Variants in NCAM1 observed in about 807,000 individuals in gnomAD.
NCAM1 encodes the protein neural cell adhesion molecule 1, also known as antigen recognized by monoclonal antibody 5.1H11.
A neutral mutation model predicts 109.8 loss-of-function variants in NCAM1; 14 were observed. That is an observed-to-expected ratio of 0.13 (90% CI 0.08 to 0.20). NCAM1 has a LOEUF of 0.20. NCAM1 is among the 10% of genes least tolerant of loss of function. The pLI, the probability that NCAM1 is intolerant of heterozygous loss-of-function variation, is 1.00. For synonymous variants in NCAM1, 418 were observed against 442.9 expected (o/e 0.94, Z 0.70); for missense variants, 774 against 1,109.9 (o/e 0.70, Z 4.30).
At chr11:113,220,600 C>CTTTTTTT (rs1336984958) in intron 8 of NCAM1, among the ~76,000 whole-genome samples, 12 of 102,364 alleles carry the variant, frequency 1.2e-4, no homozygotes, top group African/African-American at 4.0e-4. Flanking sequence ...CTCTCTCTCT[C>CTTTTTTT]TCTTTTTTTT....
chr11:113,055,951 C>A (rs1953682281), intron 1 of NCAM1, among the ~76,000 whole-genome samples: 1 of 126,382 alleles, frequency 7.9e-6, no homozygotes, highest in Non-Finnish European at 1.6e-5. Context: ...AAATGTCCAT[C>A]AGTGGATGAA....
intron 1 of NCAM1, among the ~76,000 whole-genome samples, chr11:113,033,564 A>G (rs1254822769): frequency 1.3e-5 from 2 of 152,252 alleles, no homozygotes; most frequent in Admixed American, 1.3e-4. Context: ...TGCAAAGAGA[A>G]TAGTGGCTAT....
intron 1 of NCAM1, among the ~76,000 whole-genome samples, chr11:113,058,603 T>G (rs1290190861): frequency 1.3e-5 from 2 of 152,218 alleles, no homozygotes; most frequent in Non-Finnish European, 2.9e-5. Context: ...ATTTGCTACT[T>G]TCTTCAATTT....
chr11:112,980,327 C>A (rs1321640787), intron 1 of NCAM1, among the ~76,000 whole-genome samples: 1 of 151,796 alleles, frequency 6.6e-6, no homozygotes, highest in Non-Finnish European at 1.5e-5. Context: ...CAGCTCTGCC[C>A]TTCCAAGAGA....
At chr11:113,093,404 G>A (rs1384204513) in intron 1 of NCAM1, among the ~76,000 whole-genome samples, 1 of 152,152 alleles carries the variant, frequency 6.6e-6, no homozygotes, top group Admixed American at 6.5e-5. Flanking sequence ...CTGTTGCATT[G>A]CACCAATTGG....
At position 113,022,717 on chromosome 11, in the gene NCAM1, C is replaced by T. The variant is rs190693287; in HGVS notation, c.52+61053C>T. 5.5e-4 allele frequency among the ~76,000 whole-genome samples: 84 copies of T among 152,056 alleles called. 1 individual carries two copies. Among genetic ancestry groups the T allele is most frequent in the East Asian group, 2.7e-3 (14 of 5,180 alleles). ...AAAGAAATCCAAAGGCAGGCAGGTA[C>T]GTAGGTAGGTAGGTAGGTAGTCCAG... is the stretch of plus-strand genomic sequence containing the variant. On this transcript the variant is annotated intron_variant, in intron 1 of 19. Coordinates refer to ENST00000316851, the MANE Select transcript of NCAM1 (RefSeq NM_181351.5).
In NCAM1 at chr11:113,269,900, A is replaced by C. The variant is rs1387619383; in HGVS notation, c.2132-288A>C. ...GCCTCATTATCCGGTGTTCTCAGAC[A>C]GGCGGGGCTCAGTCTGCTCCCAGGA... On this transcript the variant is annotated intron_variant, in intron 17 of 19. Transcript: ENST00000316851. 5 of 486,490 alleles carry C rather than the reference A, an allele frequency of 1.0e-5. No homozygotes were observed. The East Asian group carries it at 1.9e-4, about 18-fold the overall frequency. 30.1% of individuals were successfully genotyped at this position (486,490 alleles called of 1,614,324 possible).
At chr11:112,965,384 G>A (rs899955152) in intron 1 of NCAM1, among the ~76,000 whole-genome samples, 1 of 152,070 alleles carries the variant, frequency 6.6e-6, no homozygotes, top group Non-Finnish European at 1.5e-5. Context: ...TTTGAACAGT[G>A]CTTCTGTTTG....
At position 113,271,834 on chromosome 11, in the gene NCAM1, A is replaced by G; in HGVS notation, c.2414A>G (p.Lys805Arg). ...EERTPNHDGG[K>R]HTEPNETTPL... Reference sequence around the variant, plus strand: ...AGGACCCCAAACCATGATGGAGGGAAACACACAGAGCCCAACGAGACCACG... The same window carrying G: ...AGGACCCCAAACCATGATGGAGGGAGACACACAGAGCCCAACGAGACCACG... The change falls in exon 19 of 20, where the codon AAA (lysine) becomes AGA (arginine). Residue 805 changes from lysine to arginine, a missense_variant. Physicochemically the swap from Lys to Arg is conservative, Grantham distance 26. Coordinates refer to ENST00000316851, the MANE Select transcript of NCAM1 (RefSeq NM_181351.5). The G allele has an allele frequency of 6.4e-7, 1 of 1,573,594 alleles. No individual in the cohort carries two copies. The highest frequency in any genetic ancestry group is 1.9e-5 in the Admixed American group (1 of 54,010).
chr11:113,047,630 A>G (rs1248994844), intron 1 of NCAM1, among the ~76,000 whole-genome samples: 2 of 152,198 alleles, frequency 1.3e-5, no homozygotes, highest in African/African-American at 4.8e-5. Context: ...CGCTGCTATA[A>G]GGACATAGCC....
At chr11:113,089,218 CAGG>C (rs1475774295) in intron 1 of NCAM1, among the ~76,000 whole-genome samples, 2 of 152,046 alleles carry the variant, frequency 1.3e-5, no homozygotes, top group East Asian at 3.9e-4. Context: ...GAGGCTGAGG[CAGG>C]AGAATTGCTT....
At chr11:113,095,944 C>T (rs576261044) in intron 1 of NCAM1, among the ~76,000 whole-genome samples, 19 of 152,072 alleles carry the variant, frequency 1.2e-4, no homozygotes, top group Middle Eastern at 3.4e-3. Context: ...AATAAAATGA[C>T]GTAAATGGAA....
intron 17 of NCAM1, among the ~76,000 whole-genome samples, chr11:113,261,314 G>A (rs1555123334): frequency 6.6e-6 from 1 of 152,150 alleles, no homozygotes; most frequent in East Asian, 1.9e-4. Flanking sequence ...GGATGTATGT[G>A]CAAAAATGGG....
rs892008997 is a variant in NCAM1, at chr11:113,278,018, A to G, written c.*2631A>G. The G allele has an allele frequency of 6.6e-6, 1 of 152,108 alleles. No individual in the cohort carries two copies. Among genetic ancestry groups the G allele is most frequent in the Non-Finnish European group, 1.5e-5 (1 of 68,020 alleles). The allele number at this position is 152,108 out of a possible 1,614,324, so 9.4% of individuals were successfully genotyped here. A position where few individuals can be genotyped will look rare whatever the true frequency, so the allele number is the denominator to read the frequency against. On this transcript the variant is annotated 3_prime_UTR_variant, in exon 20 of 20. Coordinates refer to ENST00000316851, the MANE Select transcript of NCAM1 (RefSeq NM_181351.5). Reference sequence around the variant, plus strand: ...TCCAGTTTCCAATGTCTATGTGTCTATGTGTGTATGTGCCATACATATGTA... The same window carrying G: ...TCCAGTTTCCAATGTCTATGTGTCTGTGTGTGTATGTGCCATACATATGTA...
chr11:113,034,895 A>C (rs1952821405), intron 1 of NCAM1, among the ~76,000 whole-genome samples: 1 of 152,204 alleles, frequency 6.6e-6, no homozygotes, highest in Non-Finnish European at 1.5e-5. Flanking sequence ...AGACATTTAA[A>C]AACACATGGG....
chr11:112,983,093 T>C (rs781889503), intron 1 of NCAM1, among the ~76,000 whole-genome samples: 10 of 151,984 alleles, frequency 6.6e-5, no homozygotes, highest in Non-Finnish European at 1.3e-4. Context: ...TACTGTTTTG[T>C]ATATTTTCAA....
chr11:113,197,924 CTTT>C (rs1555111145), intron 1 of NCAM1, among the ~76,000 whole-genome samples: 1 of 152,168 alleles, frequency 6.6e-6, no homozygotes, highest in Admixed American at 6.5e-5. Flanking sequence ...GCAGCTAAGA[CTTT>C]ATAGCCTACT....
chr11:113,274,099 C>T lies in NCAM1; in HGVS notation c.2457-1168C>T, dbSNP rs2137810328. Among the ~76,000 whole-genome samples, 1 of 152,332 alleles carries T rather than the reference C, an allele frequency of 6.6e-6. No individual in the cohort carries two copies. Among genetic ancestry groups the T allele is most frequent in the East Asian group, 1.9e-4 (1 of 5,180 alleles). On this transcript the variant is annotated intron_variant, in intron 19 of 19. Coordinates refer to ENST00000316851, the MANE Select transcript of NCAM1 (RefSeq NM_181351.5). This position sits in a 1 kb window ranked among gnomAD's most constrained non-coding sequence, Gnocchi z 4.1. The stretch of plus-strand genomic sequence containing the variant: ...CCCTTATCAGCCACCCTGGGGCCCC[C>T]AGTCGGTGTGTTATTCAGTGCCAGG...
At chr11:113,091,573 G>A (rs542116698) in intron 1 of NCAM1, among the ~76,000 whole-genome samples, 1 of 152,186 alleles carries the variant, frequency 6.6e-6, no homozygotes, top group African/African-American at 2.4e-5. Context: ...TAGGTGAAGG[G>A]AGATAATTAC....
Sources: gnomAD v4.1 joint callset for allele counts (sites outside exome capture counted in the v4.1 genomes callset) on GRCh38, gnomAD v4.1.1 for gene constraint, Gnocchi (gnomAD v3.1) non-coding constraint, MANE v1.5 for transcripts, NCBI Gene and HGNC (gene_info 2026-07-23, HGNC 2026-07-21) for gene names.